The following FBXO36 variants were observed in gnomAD, a reference collection of about 807,000 sequenced individuals.
FBXO36 encodes F-box only protein 36.
Under a neutral mutation model 17.0 loss-of-function variants are expected in FBXO36, and 18 were observed. That is an observed-to-expected ratio of 1.06 (90% CI 0.73 to 1.57). The LOEUF (loss-of-function observed/expected upper bound fraction) is 1.57, where lower values mean the gene tolerates loss of function less well. Among genes scored for constraint, FBXO36 ranks in the 40% most tolerant of loss-of-function variants. FBXO36 has a pLI of 0.00. For missense variants in FBXO36, 229 were observed against 221.9 expected (o/e 1.03, Z -0.20); for synonymous variants, 83 against 85.3 (o/e 0.97, Z 0.15).
intron 1 of FBXO36, among the ~76,000 whole-genome samples, chr2:229,971,182 CG>C (rs2077178240): frequency 6.6e-6 from 1 of 151,900 alleles, no homozygotes; most frequent in Admixed American, 6.6e-5. Flanking sequence ...GGTAAAACCC[CG>C]TCTCTACTAA....
intron 2 of FBXO36, among the ~76,000 whole-genome samples, chr2:229,980,844 C>T (rs972547494): frequency 2.0e-5 from 3 of 152,040 alleles, no homozygotes; most frequent in South Asian, 2.1e-4. Context: ...GCTGCAGTCT[C>T]GGGGCTGCCA....
At chr2:229,925,684 A>G (rs920973875) in intron 1 of FBXO36, among the ~76,000 whole-genome samples, 2 of 152,168 alleles carry the variant, frequency 1.3e-5, no homozygotes, top group Non-Finnish European at 2.9e-5. Flanking sequence ...ATAACTGCAC[A>G]TTTGACATGG....
chr2:229,967,603 A>C (rs1419925140), intron 1 of FBXO36, among the ~76,000 whole-genome samples: 2 of 152,152 alleles, frequency 1.3e-5, no homozygotes, highest in East Asian at 1.9e-4. Flanking sequence ...GTTGAATTTC[A>C]TCAGAGGCCT....
intron 1 of FBXO36, among the ~76,000 whole-genome samples, chr2:229,970,362 GA>G (rs1005634259): frequency 2.0e-5 from 3 of 151,924 alleles, no homozygotes; most frequent in African/African-American, 7.3e-5. Context: ...TCTATTTAAA[GA>G]AAAAAATGTA....
At chr2:229,997,592 AAGAG>A (rs796293714) in intron 3 of FBXO36, among the ~76,000 whole-genome samples, 5 of 151,650 alleles carry the variant, frequency 3.3e-5, no homozygotes, top group African/African-American at 9.7e-5. Flanking sequence ...AAAAAAAAAA[AAGAG>A]AGAGAGAATA....
chr2:229,977,136 C>T (rs1182556056), intron 2 of FBXO36: 1 of 152,012 alleles, frequency 6.6e-6, no homozygotes, highest in Non-Finnish European at 1.5e-5. Flanking sequence ...ATGCTACAAC[C>T]ATCTATATTT....
chr2:229,975,809 G>C (rs1003821385), intron 1 of FBXO36, among the ~76,000 whole-genome samples: 4 of 130,466 alleles, frequency 3.1e-5, no homozygotes, highest in Non-Finnish European at 6.6e-5. Flanking sequence ...ATTTTTTTTG[G>C]TGGGGGGGCG....
At chr2:229,979,894 A>G (rs1413004380) in intron 2 of FBXO36, among the ~76,000 whole-genome samples, 1 of 152,092 alleles carries the variant, frequency 6.6e-6, no homozygotes, top group African/African-American at 2.4e-5. Flanking sequence ...AAAAAAGAAC[A>G]ATCATATTGG....
chr2:230,000,446 G>T (rs1183125446), intron 3 of FBXO36, among the ~76,000 whole-genome samples: 1 of 151,282 alleles, frequency 6.6e-6, no homozygotes, highest in African/African-American at 2.4e-5. Flanking sequence ...AAATATGCAA[G>T]TGGGGATCTA....
intron 1 of FBXO36, among the ~76,000 whole-genome samples, chr2:229,956,276 G>C (rs1035832): frequency 0.047 from 7,160 of 152,276 alleles, 229 homozygotes; most frequent in South Asian, 0.11. Context: ...CTTTCAGATG[G>C]CTGACTTCTT....
intron 1 of FBXO36, among the ~76,000 whole-genome samples, chr2:229,936,353 ATCCCTAT>A (rs1347210460): frequency 6.6e-6 from 1 of 152,174 alleles, no homozygotes; most frequent in African/African-American, 2.4e-5. Context: ...TGGCTAATGA[ATCCCTAT>A]TACCTAGACC....
intron 1 of FBXO36, among the ~76,000 whole-genome samples, chr2:229,948,734 G>A (rs907670049): frequency 3.3e-5 from 5 of 152,160 alleles, no homozygotes; most frequent in African/African-American, 4.8e-5. Context: ...CTGGTACCAC[G>A]CAAAAGCAGC....
At chr2:229,956,929 G>T (rs1425775883) in intron 1 of FBXO36, among the ~76,000 whole-genome samples, 1 of 152,030 alleles carries the variant, frequency 6.6e-6, no homozygotes, top group Non-Finnish European at 1.5e-5. Context: ...ATTGAATTAG[G>T]ATTATACCCA....
chr2:229,947,687 A>G (rs2077034903), intron 1 of FBXO36, among the ~76,000 whole-genome samples: 1 of 152,208 alleles, frequency 6.6e-6, no homozygotes, highest in Non-Finnish European at 1.5e-5. Flanking sequence ...AAATCAATAG[A>G]ATTTAGTCAT....
At chr2:229,925,946 A>G (rs1300864681) in intron 1 of FBXO36, among the ~76,000 whole-genome samples, 2 of 152,036 alleles carry the variant, frequency 1.3e-5, no homozygotes, top group African/African-American at 4.8e-5. Context: ...GATCTTTATA[A>G]TGATGATCTC....
intron 1 of FBXO36, among the ~76,000 whole-genome samples, chr2:229,970,297 A>G (rs754733796): frequency 2.6e-5 from 4 of 152,284 alleles, no homozygotes; most frequent in Non-Finnish European, 5.9e-5. Context: ...AGGTGGGAGG[A>G]CTGTTTGAGC....
chr2:229,993,793 C>T (rs1489575824), intron 2 of FBXO36, among the ~76,000 whole-genome samples: 5 of 152,024 alleles, frequency 3.3e-5, no homozygotes, highest in East Asian at 1.9e-4. Context: ...TTGGCAGGGA[C>T]GGAGTTTGGC....
chr2:229,926,693 G>A (rs960156221), intron 1 of FBXO36, among the ~76,000 whole-genome samples: 3 of 147,498 alleles, frequency 2.0e-5, no homozygotes, highest in African/African-American at 5.0e-5. Flanking sequence ...GCAGTGAGCC[G>A]AGATCTCACC....
At chr2:229,944,627 C>G (rs574223133) in intron 1 of FBXO36, among the ~76,000 whole-genome samples, 60 of 130,188 alleles carry the variant, frequency 4.6e-4, no homozygotes, top group South Asian at 1.4e-3. Context: ...GAGTCACGCT[C>G]TGTCGCCCAG....
Sources: allele counts gnomAD v4.1 joint callset (sites outside exome capture counted in the v4.1 genomes callset), GRCh38; gene constraint gnomAD v4.1.1; transcripts MANE v1.5; gene names NCBI Gene and HGNC (gene_info 2026-07-23, HGNC 2026-07-21).